The following CDH22 variants were observed in gnomAD, a reference collection of about 807,000 sequenced individuals.
CDH22 encodes the protein cadherin-22.
Under a neutral mutation model 58.4 loss-of-function variants are expected in CDH22, and 30 were observed. That is an observed-to-expected ratio of 0.51 (90% confidence interval 0.38 to 0.70). The LOEUF (loss-of-function observed/expected upper bound fraction) is 0.70. Ranked by LOEUF, CDH22 falls within the 30% of genes least tolerant of loss-of-function variation. The pLI, the probability that CDH22 is intolerant of heterozygous loss-of-function variation, is 0.00. For missense variants in CDH22, 1,014 were observed against 1,233.9 expected (o/e 0.82, Z 2.67); for synonymous variants, 513 against 558.2 (o/e 0.92, Z 1.14).
chr20:46,280,484 T>C (rs1440394984), intron 1 of CDH22, among the ~76,000 whole-genome samples: 2 of 152,122 alleles, frequency 1.3e-5, no homozygotes, highest in Non-Finnish European at 2.9e-5. Context: ...AGGATAATGA[T>C]GGTGGGGGCA....
At position 46,237,300 on chromosome 20, in the gene CDH22, C is replaced by T. The variant is rs116804310; in HGVS notation, c.550+3663G>A. Among the ~76,000 whole-genome samples, 1,128 of 152,284 alleles carry T rather than the reference C, an allele frequency of 7.4e-3. 15 individuals are homozygous for T. Among genetic ancestry groups the T allele is most frequent in the African/African-American group, 0.025 (1,056 of 41,552 alleles). ...TGACTGGTGTGCCCCTGCTCAGAAG[C>T]GTGGCTCATCGGAGGCCCCCCGGCA... On this transcript the variant is annotated intron_variant, in intron 3 of 11. Coordinates refer to ENST00000537909, the MANE Select transcript of CDH22 (RefSeq NM_021248.3).
intron 2 of CDH22, among the ~76,000 whole-genome samples, chr20:46,243,430 C>T (rs550767080): frequency 2.6e-5 from 4 of 152,296 alleles, no homozygotes; most frequent in East Asian, 1.9e-4. Context: ...TCCGGGTCCC[C>T]ATCCTGTTAT....
At position 46,251,250 on chromosome 20, in the gene CDH22, C is replaced by G. The variant is rs1355601292; in HGVS notation, c.45G>C (p.Ala15=). ...GCAGCAGCAGTAGCGCGGGGGACAG[C>G]GCGACTCCCGCCCGGAGCCCCCTAC... ...PEGRGLRAGV[A]LSPALLLLLL... The change falls in exon 2 of 12, where the codon GCG becomes GCC. Residue 15 remains alanine (A), a synonymous_variant. Coordinates refer to ENST00000537909, the MANE Select transcript of CDH22 (RefSeq NM_021248.3). The surrounding 1 kb of genome is among the most constrained non-coding windows in gnomAD (Gnocchi z 6.7). 4.1e-6 allele frequency: 6 copies of G among 1,469,254 alleles called. No individual in the cohort carries two copies. Among genetic ancestry groups the G allele is most frequent in the South Asian group, 1.3e-5 (1 of 76,118 alleles). 91.0% of individuals were successfully genotyped at this position (1,469,254 alleles called of 1,614,324 possible).
intron 1 of CDH22, among the ~76,000 whole-genome samples, chr20:46,256,025 C>T (rs1239651436): frequency 2.0e-5 from 3 of 152,220 alleles, no homozygotes; most frequent in African/African-American, 4.8e-5. Flanking sequence ...ATAATCTGTC[C>T]GTCTGCCCAT....
chr20:46,189,366 G>A (rs911794568), intron 8 of CDH22, among the ~76,000 whole-genome samples: 2 of 152,202 alleles, frequency 1.3e-5, no homozygotes, highest in Non-Finnish European at 2.9e-5. Flanking sequence ...TTGGGAAGAG[G>A]GGGGTGAGGC....
At chr20:46,191,891 A>G (rs1165714099) in intron 8 of CDH22, among the ~76,000 whole-genome samples, 8 of 151,802 alleles carry the variant, frequency 5.3e-5, no homozygotes, top group Admixed American at 5.2e-4. Flanking sequence ...AAGGCCCCCC[A>G]TGATCATCCT....
At chr20:46,258,358 C>G (rs1281235082) in intron 1 of CDH22, among the ~76,000 whole-genome samples, 1 of 152,144 alleles carries the variant, frequency 6.6e-6, no homozygotes, top group African/African-American at 2.4e-5. Context: ...AATCAGCATC[C>G]ACACAATGCC....
At chr20:46,179,285 C>T (rs553535297) in intron 10 of CDH22, among the ~76,000 whole-genome samples, 83 of 152,308 alleles carry the variant, frequency 5.4e-4, no homozygotes, top group African/African-American at 1.6e-3. Flanking sequence ...TCCTTCTCCC[C>T]GCGGTCTTCA....
intron 1 of CDH22, among the ~76,000 whole-genome samples, chr20:46,301,098 C>T (rs1414826336): frequency 3.9e-5 from 6 of 151,966 alleles, no homozygotes; most frequent in Non-Finnish European, 7.4e-5. Context: ...CTATATATGT[C>T]AAGAAGGATA....
chr20:46,240,640 C>T (rs1047503614), intron 3 of CDH22, among the ~76,000 whole-genome samples: 4 of 152,080 alleles, frequency 2.6e-5, no homozygotes, highest in Admixed American at 2.6e-4. Flanking sequence ...GTGCATGTGG[C>T]ATGTCCAGAT....
Position 46,199,404 on chromosome 20 carries a change from G to T in CDH22, c.1423+19C>A. ...GGGCCCCATATTTGCCCTTGGAGGG[G>T]GCGTGGCGCCCAGCTCACCCGCCTC... On this transcript the variant is annotated intron_variant, in intron 8 of 11. Coordinates refer to ENST00000537909, the MANE Select transcript of CDH22 (RefSeq NM_021248.3). 6.2e-7 allele frequency: 1 copy of T among 1,603,232 alleles called. No individual in the cohort carries two copies.
intron 1 of CDH22, among the ~76,000 whole-genome samples, chr20:46,258,790 C>G (rs2086418272): frequency 6.6e-6 from 1 of 152,208 alleles, no homozygotes; most frequent in South Asian, 2.1e-4. Flanking sequence ...CTCTGTGGGA[C>G]ACACACAGGA....
chr20:46,251,248 AGCGCGACTCCC>A lies in CDH22; in HGVS notation c.36_46del (p.Gly13ValfsTer78). 6.8e-7 allele frequency: 1 copy of A among 1,470,402 alleles called. No individual in the cohort carries two copies. Among genetic ancestry groups the A allele is most frequent in the Non-Finnish European group, 9.0e-7 (1 of 1,114,688 alleles). The allele number at this position is 1,470,402 out of a possible 1,614,324, so 91.1% of individuals were successfully genotyped here. A position where few individuals can be genotyped will look rare whatever the true frequency, so the allele number is the denominator to read the frequency against. On this transcript the variant is annotated frameshift_variant, in exon 2 of 12. Transcript: ENST00000537909. LOFTEE classifies it high-confidence loss of function. The surrounding 1 kb of genome is among the most constrained non-coding windows in gnomAD (Gnocchi z 6.7). ...CAGCAGCAGCAGTAGCGCGGGGGAC[AGCGCGACTCCC>A]GCCCGGAGCCCCCTACCTTCGGGCC...
At chr20:46,179,565 G>A (rs1216722538) in intron 10 of CDH22, among the ~76,000 whole-genome samples, 2 of 152,166 alleles carry the variant, frequency 1.3e-5, no homozygotes, top group African/African-American at 2.4e-5. Context: ...ACGAGGTGCC[G>A]GGAACATGAG....
chr20:46,262,800 G>A (rs943925913), intron 1 of CDH22, among the ~76,000 whole-genome samples: 10 of 152,242 alleles, frequency 6.6e-5, no homozygotes, highest in Middle Eastern at 6.8e-3. Context: ...GCCTGATTGG[G>A]ACCTGCCTAC....
At chr20:46,202,355 A>ATTT (rs3082933) in intron 7 of CDH22, among the ~76,000 whole-genome samples, 14 of 141,798 alleles carry the variant, frequency 9.9e-5, no homozygotes, top group Non-Finnish European at 9.2e-5. Flanking sequence ...CCAGAGTTTA[A>ATTT]TTTTTTTTTT....
intron 1 of CDH22, among the ~76,000 whole-genome samples, chr20:46,296,063 T>G (rs921472816): frequency 6.6e-6 from 1 of 152,210 alleles, no homozygotes; most frequent in Non-Finnish European, 1.5e-5. Flanking sequence ...ATGCCGGGCC[T>G]GTTGCCTCAT....
intron 1 of CDH22, among the ~76,000 whole-genome samples, chr20:46,289,998 G>C (rs1981664097): frequency 6.6e-6 from 1 of 152,224 alleles, no homozygotes; most frequent in African/African-American, 2.4e-5. Context: ...AAGGTTTGGA[G>C]TTTGGAAAAC....
chr20:46,306,100 G>A (rs1454745683), intron 1 of CDH22, among the ~76,000 whole-genome samples: 1 of 152,272 alleles, frequency 6.6e-6, no homozygotes, highest in African/African-American at 2.4e-5. Context: ...GCATTCAACA[G>A]CTTTCCTCCG....
Sources: allele counts gnomAD v4.1 joint callset (sites outside exome capture counted in the v4.1 genomes callset), GRCh38; gene constraint gnomAD v4.1.1; non-coding constraint Gnocchi (gnomAD v3.1); transcripts MANE v1.5; gene names NCBI Gene and HGNC (gene_info 2026-07-23, HGNC 2026-07-21).